The following TFAP2B variants were observed in gnomAD, a reference collection of about 807,000 sequenced individuals.
TFAP2B encodes the protein transcription factor AP-2 beta, also known as transcription factor AP-2-beta.
TFAP2B carries 9 observed loss-of-function variants against 44.3 expected under a neutral mutation model. That is an observed-to-expected ratio of 0.20 (90% CI 0.12 to 0.35). TFAP2B has a LOEUF of 0.35. Among genes scored for constraint, TFAP2B ranks in the 10% least tolerant of loss-of-function variants. TFAP2B has a pLI of 1.00. For missense variants in TFAP2B, 509 were observed against 600.0 expected, an observed-to-expected ratio of 0.85 and a Z score of 1.59; for synonymous variants, 270 against 263.8, an observed-to-expected ratio of 1.02 and a Z score of -0.23.
At chr6:50,830,883 T>C (rs138533524) in intron 3 of TFAP2B, among the ~76,000 whole-genome samples, 1 of 152,318 alleles carries the variant, frequency 6.6e-6, no homozygotes, top group African/African-American at 2.4e-5. Context: ...TCTTGTGAAC[T>C]AAATATTCTA....
intron 1 of TFAP2B, among the ~76,000 whole-genome samples, chr6:50,820,397 C>A (rs557787252): frequency 2.6e-5 from 4 of 152,194 alleles, no homozygotes; most frequent in Non-Finnish European, 4.4e-5. Flanking sequence ...TCCTGCCCCC[C>A]CCCGAATCCT....
At chr6:50,829,297 C>A (rs1770610284) in intron 3 of TFAP2B, among the ~76,000 whole-genome samples, 1 of 152,152 alleles carries the variant, frequency 6.6e-6, no homozygotes, top group Non-Finnish European at 1.5e-5. Flanking sequence ...TGTTAAAGGG[C>A]ATGTGATATT....
chr6:50,824,366 G>T (rs2817385), intron 2 of TFAP2B, among the ~76,000 whole-genome samples: 5 of 152,162 alleles, frequency 3.3e-5, no homozygotes, highest in Admixed American at 6.5e-5. Context: ...TGCTGAATTT[G>T]CAAAGATTTT....
chr6:50,842,477 A>G (rs987176371), intron 6 of TFAP2B, among the ~76,000 whole-genome samples: 2 of 152,218 alleles, frequency 1.3e-5, no homozygotes, highest in Non-Finnish European at 2.9e-5. Flanking sequence ...TCAGTGCCCT[A>G]CACTTGGAAG....
At chr6:50,838,224 C>A in intron 5 of TFAP2B, 131 bp downstream of exon 5, 1 of 855,094 alleles carries the variant, frequency 1.2e-6, no homozygotes, top group Non-Finnish European at 2.0e-6. Context: ...GGATGTCAAG[C>A]GGCTTCTTGA....
chr6:50,835,124 G>A (rs956077624), intron 3 of TFAP2B, among the ~76,000 whole-genome samples: 1 of 152,164 alleles, frequency 6.6e-6, no homozygotes, highest in Admixed American at 6.5e-5. Context: ...GGGTAGCAGT[G>A]GCAACCAGCT....
intron 5 of TFAP2B, among the ~76,000 whole-genome samples, chr6:50,839,738 GA>G (rs1341581176): frequency 6.6e-6 from 1 of 152,152 alleles, no homozygotes; most frequent in Admixed American, 6.5e-5. Flanking sequence ...ATATTTGTTG[GA>G]ATACAGTTGT....
At position 50,836,092 on chromosome 6, in the gene TFAP2B, AATG is replaced by A; in HGVS notation, c.638_640del (p.Met213del). Reference sequence around the variant, plus strand: ...TTCCTCCCAAATCGGTGACTTCTCTAATGATGAATAAAGACGGCTTCCTGGGAG... The same window carrying A: ...TTCCTCCCAAATCGGTGACTTCTCTAATGAATAAAGACGGCTTCCTGGGAG... On this transcript the variant is annotated inframe_deletion, in exon 4 of 7. Transcript: ENST00000393655. The A allele has an allele frequency of 1.2e-6, 2 of 1,614,094 alleles. No individual in the cohort carries two copies. The highest frequency in any genetic ancestry group is 1.7e-6 in the Non-Finnish European group (2 of 1,180,004).
rs757779913 is a variant in TFAP2B, at chr6:50,843,270, C to G, written c.1261C>G (p.Leu421Val). The change falls in exon 7 of 7, where the codon CTC becomes GTC. Residue 421 changes from leucine to valine, a missense_variant. Leu to Val is a conservative substitution (Grantham distance 32). Transcript: ENST00000393655. Reference sequence around the variant, plus strand: ...CGCGCTCACGGCCCTGCAGAACTATCTCACCGAGGCGCTCAAAGGCATGGA... The same window carrying G: ...CGCGCTCACGGCCCTGCAGAACTATGTCACCGAGGCGCTCAAAGGCATGGA... ...CAALTALQNY[L>V]TEALKGMDKM... 2 of 1,614,202 alleles carry G rather than the reference C, an allele frequency of 1.2e-6. No individual in the cohort carries two copies. The highest frequency in any genetic ancestry group is 1.7e-6 in the Non-Finnish European group (2 of 1,180,052).
In TFAP2B at chr6:50,838,083, C is replaced by G; in HGVS notation, c.930C>G (p.Ser310=). ...CAGCAAATGTCACGTTACTCACCTC[C>G]CTGGTGGAAGGTAAGCAAGACGTGT... The part of the protein sequence containing the change: ...RKAANVTLLT[S]LVEGEAVHLA... The change falls in exon 5 of 7, where the codon TCC becomes TCG. Residue 310 remains serine, a synonymous_variant. Coordinates refer to ENST00000393655, the MANE Select transcript of TFAP2B (RefSeq NM_003221.4). The G allele has an allele frequency of 6.2e-7, 1 of 1,613,622 alleles. No homozygotes were observed. The highest frequency in any genetic ancestry group is 8.5e-7 in the Non-Finnish European group (1 of 1,179,548).
intron 2 of TFAP2B, among the ~76,000 whole-genome samples, chr6:50,827,440 A>G (rs1430036432): frequency 6.6e-6 from 1 of 152,204 alleles, no homozygotes; most frequent in Non-Finnish European, 1.5e-5. Context: ...AAAAGAAACA[A>G]ATTAACATGC....
At chr6:50,841,428 G>A (rs66834257) in intron 6 of TFAP2B, among the ~76,000 whole-genome samples, 21,247 of 147,906 alleles carry the variant, frequency 0.14, 1,602 homozygotes, top group African/African-American at 0.2. Flanking sequence ...GGTGAGGCAC[G>A]GGGTGTGTGT....
chr6:50,835,176 C>T (rs574001038), intron 3 of TFAP2B, among the ~76,000 whole-genome samples: 11 of 152,264 alleles, frequency 7.2e-5, no homozygotes, highest in East Asian at 1.9e-4. Flanking sequence ...ACCTTGAGTG[C>T]GGTTTGTTAT....
chr6:50,823,524 C>G lies in TFAP2B; in HGVS notation c.199C>G (p.Pro67Ala). Reference sequence around the variant, plus strand: ...CCACACCCCGTCGTCGGACTTCCAGCCGCCCTACTTCCCACCCCCCTACCA... The same window carrying G: ...CCACACCCCGTCGTCGGACTTCCAGGCGCCCTACTTCCCACCCCCCTACCA... ...LSHTPSSDFQ[P>A]PYFPPPYQPL... Residue 67 changes from proline to alanine, a missense_variant, in exon 2 of 7, where the codon CCG becomes GCG. By Grantham distance (27) the Pro-to-Ala change is conservative (BLOSUM62 -1). Coordinates refer to ENST00000393655, the MANE Select transcript of TFAP2B (RefSeq NM_003221.4). 5 of 1,613,806 alleles carry G rather than the reference C, an allele frequency of 3.1e-6. No homozygotes were observed. The highest frequency in any genetic ancestry group is 4.2e-6 in the Non-Finnish European group (5 of 1,179,920).
rs1016341678 is a variant in TFAP2B, at chr6:50,845,780, G to A, written c.*2388G>A. On this transcript the variant is annotated 3_prime_UTR_variant, in exon 7 of 7. Transcript: ENST00000393655. ...CTTACTGTGCAGGTCCTGAGAGCGT[G>A]TGGGCCACAGGCGCCCAGTCGTGTT... is the stretch of plus-strand genomic sequence containing the variant. The A allele has an allele frequency of 6.5e-6, 1 of 152,718 alleles. No individual in the cohort carries two copies. The highest frequency in any genetic ancestry group is 2.4e-5 in the African/African-American group (1 of 41,478). 9.5% of individuals were successfully genotyped at this position (152,718 alleles called of 1,614,324 possible).
At chr6:50,826,365 C>G (rs1459946046) in intron 2 of TFAP2B, among the ~76,000 whole-genome samples, 1 of 152,130 alleles carries the variant, frequency 6.6e-6, no homozygotes, top group Non-Finnish European at 1.5e-5. Context: ...TTGTGTGACC[C>G]AGATGCACCA....
chr6:50,819,230 CCCCCA>C (rs1770255321), intron 1 of TFAP2B, among the ~76,000 whole-genome samples: 1 of 151,110 alleles, frequency 6.6e-6, no homozygotes, highest in Admixed American at 6.6e-5. Context: ...TCCTCGCCTC[CCCCCA>C]CCCCACCCCA....
intron 1 of TFAP2B, chr6:50,821,904 G>T (rs1292732056): frequency 2.4e-5 from 7 of 291,430 alleles, no homozygotes; most frequent in Non-Finnish European, 4.6e-5. Flanking sequence ...AAGAAAAGAG[G>T]CCAAAAAGAC....
intron 3 of TFAP2B, among the ~76,000 whole-genome samples, chr6:50,834,317 G>C (rs539373079): frequency 6.6e-6 from 1 of 152,100 alleles, no homozygotes; most frequent in Admixed American, 6.6e-5. Context: ...CCCTGTCCCC[G>C]CCCCATGACA....
Sources: allele counts gnomAD v4.1 joint callset (sites outside exome capture counted in the v4.1 genomes callset), GRCh38; gene constraint gnomAD v4.1.1; transcripts MANE v1.5; gene names NCBI Gene and HGNC (gene_info 2026-07-23, HGNC 2026-07-21).